KLHL6: variants seen among roughly 807,000 people sequenced by gnomAD.
The protein encoded by KLHL6 is kelch like family member 6.
KLHL6 carries 41 observed loss-of-function variants against 58.6 expected under a neutral mutation model. The observed-to-expected ratio is 0.70, with a 90% CI of 0.55 to 0.91. KLHL6 has a LOEUF of 0.91. KLHL6 is among the 40% of genes least tolerant of loss of function. The probability of loss-of-function intolerance (pLI) is 0.00; values close to 1 mark genes in which losing one functional copy is unlikely to be tolerated. For synonymous variants in KLHL6, 338 were observed against 322.7 expected (o/e 1.05, Z -0.51); for missense variants, 714 against 805.6 (o/e 0.89, Z 1.38).
At chr3:183,511,049 C>T (rs1718170395) in intron 2 of KLHL6, among the ~76,000 whole-genome samples, 1 of 152,152 alleles carries the variant, frequency 6.6e-6, no homozygotes, top group African/African-American at 2.4e-5. Flanking sequence ...GACCAGCGCT[C>T]AGCATACGGA....
chr3:183,551,038 A>G lies in KLHL6; in HGVS notation c.293+4323T>C, dbSNP rs369459717. Among the ~76,000 whole-genome samples, 73 of 151,094 alleles carry G rather than the reference A, an allele frequency of 4.8e-4. No homozygotes were observed. In the East Asian group the frequency reaches 6.1e-3, roughly 13 times the overall value. ...AGGGAGGCTGAGGCAGGAGAATGGCATGAACCCAGGAGGCGGAGCTTGCAA... is the reference window on the plus strand; with the variant it reads ...AGGGAGGCTGAGGCAGGAGAATGGCGTGAACCCAGGAGGCGGAGCTTGCAA... On this transcript the variant is annotated intron_variant, in intron 1 of 6. Transcript: ENST00000341319.
At chr3:183,554,996 C>G (rs2108704219) in intron 1 of KLHL6, among the ~76,000 whole-genome samples, 1 of 152,206 alleles carries the variant, frequency 6.6e-6, no homozygotes, top group Middle Eastern at 3.4e-3. Context: ...GAAACCCCAT[C>G]TCTATTGAAA....
rs56101517 is a variant in KLHL6 at position 183,519,895 on chromosome 3, CAAA to C, written c.459+7947_459+7949del. 1.7e-3 allele frequency among the ~76,000 whole-genome samples: 142 copies of C among 83,254 alleles called. 2 individuals carry two copies. The highest frequency in any genetic ancestry group is 0.014 in the South Asian group (34 of 2,366). The allele number at this position is 83,254 out of a possible 152,430, so 54.6% of individuals were successfully genotyped here. On this transcript the variant is annotated intron_variant, in intron 2 of 6. Transcript: ENST00000341319. The stretch of plus-strand genomic sequence containing the variant: ...TAGGTGACACACCAAAACCCTGTCT[CAAA>C]AAAAAAAAAAAAAAAAAAACAAGAA...
chr3:183,493,142 C>T (rs926002391), intron 5 of KLHL6: 4 of 194,530 alleles, frequency 2.1e-5, no homozygotes, highest in Non-Finnish European at 3.2e-5. Context: ...AAAGCTGAAA[C>T]GGTGGCCACA....
chr3:183,527,477 C>T (rs769072855), intron 2 of KLHL6, among the ~76,000 whole-genome samples: 3 of 152,154 alleles, frequency 2.0e-5, no homozygotes, highest in Non-Finnish European at 2.9e-5. Context: ...AACCAGGAGA[C>T]ATCAGTAACC....
intron 1 of KLHL6, among the ~76,000 whole-genome samples, chr3:183,543,255 CCAGCCTGGGCGA>C (rs932845164): frequency 2.0e-5 from 3 of 151,552 alleles, no homozygotes; most frequent in African/African-American, 7.3e-5. Flanking sequence ...CCACTGCACT[CCAGCCTGGGCGA>C]CAGAGCGAAA....
In KLHL6 at chr3:183,554,953, T is replaced by C. The variant is rs1713055299; in HGVS notation, c.293+408A>G. ...GCGGAGGCGGGTGGATCACCTGAGG[T>C]CGGGAGTTCAAGACCAACCTGACCA... On this transcript the variant is annotated intron_variant, in intron 1 of 6. Coordinates refer to ENST00000341319, the MANE Select transcript of KLHL6 (RefSeq NM_130446.4). Among the ~76,000 whole-genome samples the C allele has an allele frequency of 2.6e-5, 4 of 152,040 alleles. No homozygotes were observed. In the South Asian group the frequency reaches 8.3e-4, roughly 32 times the overall value.
chr3:183,508,281 C>T lies in KLHL6; in HGVS notation c.687G>A (p.Val229=). 1 of 1,614,224 alleles carries T rather than the reference C, an allele frequency of 6.2e-7. No homozygotes were observed. Among genetic ancestry groups the T allele is most frequent in the Non-Finnish European group, 8.5e-7 (1 of 1,180,050 alleles). Residue 229 remains valine (V), a synonymous_variant, in exon 3 of 7, where the codon GTG becomes GTA. Coordinates refer to ENST00000341319, the MANE Select transcript of KLHL6 (RefSeq NM_130446.4). ...HHILKSDDLY[V]TEEAQVFETV... is the part of the protein sequence containing the mutation. The stretch of plus-strand genomic sequence containing the variant: ...TCTCAAACACCTGAGCCTCCTCGGT[C>T]ACGTAAAGGTCATCACTCTTCAAGA...
At chr3:183,525,379 A>G (rs543671522) in intron 2 of KLHL6, among the ~76,000 whole-genome samples, 2 of 152,240 alleles carry the variant, frequency 1.3e-5, no homozygotes, top group East Asian at 3.9e-4. Flanking sequence ...GCTCAATGTC[A>G]GCCCCATTTA....
At chr3:183,495,602 G>A (rs887183098) in intron 4 of KLHL6, among the ~76,000 whole-genome samples, 4 of 149,244 alleles carry the variant, frequency 2.7e-5, no homozygotes, top group Non-Finnish European at 3.0e-5. Flanking sequence ...CCCTGAGAAA[G>A]CATATTGTGT....
chr3:183,499,869 A>G lies in KLHL6; in HGVS notation c.910-42T>C. 1 of 1,475,878 alleles carries G rather than the reference A, an allele frequency of 6.8e-7. No homozygotes were observed. The highest frequency in any genetic ancestry group is 9.2e-7 in the Non-Finnish European group (1 of 1,091,482). The allele number at this position is 1,475,878 out of a possible 1,614,324, so 91.4% of individuals were successfully genotyped here. The stretch of plus-strand genomic sequence containing the variant: ...GTACATGAAGGCAGGGACAACACAA[A>G]GTTTCAGAGCTCGGGCTATGGAGCC... On this transcript the variant is annotated intron_variant, in intron 3 of 6. Coordinates refer to ENST00000341319, the MANE Select transcript of KLHL6 (RefSeq NM_130446.4). The surrounding 1 kb of genome is among the most constrained non-coding windows in gnomAD (Gnocchi z 4.6).
Position 183,520,024 on chromosome 3 carries a change from T to C in KLHL6, c.459+7821A>G, listed in dbSNP as rs1361904653. Among the ~76,000 whole-genome samples the C allele has an allele frequency of 2.0e-5, 3 of 149,540 alleles. No individual in the cohort carries two copies. In the East Asian group the frequency reaches 5.9e-4, roughly 30 times the overall value. On this transcript the variant is annotated intron_variant, in intron 2 of 6. Transcript: ENST00000341319. ...ACTAGTTAGGACTCAAAAAGAACAA[T>C]ATGAAATTCAAAAGCAGGCAAAACT...
chr3:183,541,587 C>A (rs573904475), intron 1 of KLHL6, among the ~76,000 whole-genome samples: 3 of 152,288 alleles, frequency 2.0e-5, no homozygotes, highest in African/African-American at 7.2e-5. Context: ...TGCTTGTAGT[C>A]CCAGCTACTT....
chr3:183,547,649 G>A (rs1392918674), intron 1 of KLHL6, among the ~76,000 whole-genome samples: 9 of 152,114 alleles, frequency 5.9e-5, no homozygotes, highest in African/African-American at 1.7e-4. Context: ...GTTTTTATAC[G>A]TGACGTGGTA....
chr3:183,538,914 A>G (rs1324379231), intron 1 of KLHL6, among the ~76,000 whole-genome samples: 1 of 152,208 alleles, frequency 6.6e-6, no homozygotes, highest in Non-Finnish European at 1.5e-5. Flanking sequence ...TCCAGCCTCA[A>G]GAGGTGGATC....
chr3:183,510,336 T>G (rs1718146391), intron 2 of KLHL6, among the ~76,000 whole-genome samples: 1 of 151,644 alleles, frequency 6.6e-6, no homozygotes, highest in African/African-American at 2.4e-5. Context: ...TGAAGGCAGG[T>G]CCTGGTGAGA....
chr3:183,488,652 T>A lies in KLHL6; in HGVS notation c.*3275A>T, dbSNP rs576037060. ...ATTCTCAGCTTGGCTTTCCCCCTGC[T>A]GATGGTGTGGGTTATAACAGTTACC... On this transcript the variant is annotated 3_prime_UTR_variant, in exon 7 of 7. Coordinates refer to ENST00000341319, the MANE Select transcript of KLHL6 (RefSeq NM_130446.4). 1 of 152,438 alleles carries A rather than the reference T, an allele frequency of 6.6e-6. No individual in the cohort carries two copies. Among genetic ancestry groups the A allele is most frequent in the African/African-American group, 2.4e-5 (1 of 41,594 alleles). The allele number at this position is 152,438 out of a possible 1,614,324, so 9.4% of individuals were successfully genotyped here. A position where few individuals can be genotyped will look rare whatever the true frequency, so the allele number is the denominator to read the frequency against.
intron 4 of KLHL6, among the ~76,000 whole-genome samples, chr3:183,494,666 G>A (rs1261198321): frequency 6.6e-6 from 1 of 152,164 alleles, no homozygotes; most frequent in Non-Finnish European, 1.5e-5. Flanking sequence ...GGCTGGGCGG[G>A]GACAGTGGGG....
At chr3:183,529,002 A>G (rs1433200249) in intron 1 of KLHL6, among the ~76,000 whole-genome samples, 2 of 152,234 alleles carry the variant, frequency 1.3e-5, no homozygotes, top group Non-Finnish European at 2.9e-5. Context: ...TTGCAGGGAC[A>G]TGGAAGGAGC....
Sources: gnomAD v4.1 joint callset for allele counts (sites outside exome capture counted in the v4.1 genomes callset) on GRCh38, gnomAD v4.1.1 for gene constraint, Gnocchi (gnomAD v3.1) non-coding constraint, MANE v1.5 for transcripts, NCBI Gene and HGNC (gene_info 2026-07-23, HGNC 2026-07-21) for gene names.